The following NLK variants were observed in gnomAD, a reference collection of about 807,000 sequenced individuals.
The protein encoded by NLK is nemo like kinase, also known as serine/threonine-protein kinase NLK.
NLK carries 11 observed loss-of-function variants against 59.0 expected under a neutral mutation model. That is an observed-to-expected ratio of 0.19 (90% CI 0.12 to 0.31). The LOEUF is 0.31. Among genes scored for constraint, NLK ranks in the 10% least tolerant of loss-of-function variants. The pLI is 1.00. For synonymous variants in NLK, 235 were observed against 235.9 expected (o/e 1.00, Z 0.03); for missense variants, 410 against 661.1 (o/e 0.62, Z 4.16).
intron 1 of NLK, among the ~76,000 whole-genome samples, chr17:28,083,965 T>A (rs1414186842): frequency 6.6e-6 from 1 of 152,176 alleles, no homozygotes; most frequent in Non-Finnish European, 1.5e-5. Flanking sequence ...TGAGAACTGC[T>A]TGTGCCTACC....
At chr17:28,048,065 T>A (rs974304479) in intron 1 of NLK, 1 of 397,614 alleles carries the variant, frequency 2.5e-6, no homozygotes, top group Non-Finnish European at 4.4e-6. Context: ...CTTCTAGACA[T>A]AACAAAGCAT....
intron 1 of NLK, among the ~76,000 whole-genome samples, chr17:28,090,747 A>G (rs1229584540): frequency 6.6e-6 from 1 of 152,100 alleles, no homozygotes; most frequent in Non-Finnish European, 1.5e-5. Context: ...TGGGTATGCA[A>G]TTTTAGGGTG....
Position 28,122,719 on chromosome 17 carries a change from T to C in NLK, c.575T>C (p.Phe192Ser). ...VFRELKMLCF[F>S]KHDNVLSALD... ...CGGGAATTGAAGATGTTGTGTTTTT[T>C]TAAGCATGATAATGTAAGTGAAATT... The change falls in exon 2 of 11, where the codon TTT (phenylalanine) becomes TCT (serine). Residue 192 changes from phenylalanine (F) to serine (S), a missense_variant. Phe to Ser is a radical substitution (Grantham distance 155). This residue lies in a region of NLK where 73 missense variants were observed against 197.2 expected (regional missense o/e 0.37). Transcript: ENST00000407008. 1 of 1,613,854 alleles carries C rather than the reference T, an allele frequency of 6.2e-7. No individual in the cohort carries two copies. The highest frequency in any genetic ancestry group is 1.1e-5 in the South Asian group (1 of 91,068).
chr17:28,067,663 A>G (rs1459805343), intron 1 of NLK, among the ~76,000 whole-genome samples: 1 of 152,094 alleles, frequency 6.6e-6, no homozygotes, highest in Non-Finnish European at 1.5e-5. Flanking sequence ...GAGATAGTTC[A>G]TAAGATCTGG....
At chr17:28,095,600 A>G (rs370486074) in intron 1 of NLK, among the ~76,000 whole-genome samples, 9 of 152,302 alleles carry the variant, frequency 5.9e-5, no homozygotes, top group African/African-American at 1.2e-4. Flanking sequence ...CAAGGTGCCA[A>G]TATTATTACT....
chr17:28,086,311 TC>T lies in NLK; in HGVS notation c.459-36290del, dbSNP rs1405351074. 3.3e-5 allele frequency among the ~76,000 whole-genome samples: 5 copies of T among 152,294 alleles called. No individual in the cohort carries two copies. The South Asian group carries it at 1.0e-3, about 32-fold the overall frequency. On this transcript the variant is annotated intron_variant, in intron 1 of 10. Transcript: ENST00000407008. The stretch of plus-strand genomic sequence containing the variant: ...TCCTTGCTGGAAATCACATAACAAT[TC>T]CTTTTATGTTCCATGGGCTAGAATT...
intron 1 of NLK, among the ~76,000 whole-genome samples, chr17:28,092,373 G>T (rs979885058): frequency 6.6e-6 from 1 of 152,182 alleles, no homozygotes; most frequent in Non-Finnish European, 1.5e-5. Flanking sequence ...AAAACTTGTG[G>T]ATGTACACAT....
At chr17:28,091,974 CATCTTTTA>C (rs1904511083) in intron 1 of NLK, among the ~76,000 whole-genome samples, 1 of 151,996 alleles carries the variant, frequency 6.6e-6, no homozygotes, top group African/African-American at 2.4e-5. Context: ...TTTATTTTAA[CATCTTTTA>C]ATATGTTGCC....
intron 1 of NLK, among the ~76,000 whole-genome samples, chr17:28,063,090 T>C (rs1449303521): frequency 6.6e-6 from 1 of 151,950 alleles, no homozygotes; most frequent in Non-Finnish European, 1.5e-5. Context: ...CACCACCATG[T>C]CTGGCTAATT....
intron 1 of NLK, among the ~76,000 whole-genome samples, chr17:28,107,494 A>C (rs2142798159): frequency 6.6e-6 from 1 of 152,182 alleles, no homozygotes; most frequent in South Asian, 2.1e-4. Context: ...GGTTACCCAG[A>C]GGTTACCCAG....
Position 28,121,495 on chromosome 17 carries a change from CTTTTTTTTTT to C in NLK, c.459-1092_459-1083del, listed in dbSNP as rs58647578. On this transcript the variant is annotated intron_variant, in intron 1 of 10. Transcript: ENST00000407008. Reference sequence around the variant, plus strand: ...TTGGTATTTCTTTTTTCTTTCTTTTCTTTTTTTTTTTTTTTTTTTTTTTTTGAGACAGAGT... The same window carrying C: ...TTGGTATTTCTTTTTTCTTTCTTTTCTTTTTTTTTTTTTTTGAGACAGAGT... 1.1e-4 allele frequency among the ~76,000 whole-genome samples: 8 copies of C among 72,290 alleles called. No individual in the cohort carries two copies. In the East Asian group the frequency reaches 1.5e-3, roughly 13 times the overall value. 47.4% of individuals were successfully genotyped at this position (72,290 alleles called of 152,430 possible).
chr17:28,108,439 G>A (rs1030856555), intron 1 of NLK, among the ~76,000 whole-genome samples: 11 of 151,930 alleles, frequency 7.2e-5, no homozygotes, highest in African/African-American at 2.7e-4. Context: ...TATGCAAGGA[G>A]GAAATTAAAC....
intron 1 of NLK, among the ~76,000 whole-genome samples, chr17:28,121,950 G>A (rs967791010): frequency 2.0e-5 from 3 of 152,208 alleles, no homozygotes. Context: ...AAGGGAGTGG[G>A]GGGACACAGT....
At position 28,071,667 on chromosome 17, in the gene NLK, CTTACAT is replaced by C. The variant is rs1400549734; in HGVS notation, c.458+28338_458+28343del. ...TAGGCACTCCTGTCCTGCCTTCAACCTTACATTCACTTAAGGCACCATGTTACTTGA... is the reference window on the plus strand; with the variant it reads ...TAGGCACTCCTGTCCTGCCTTCAACCTCACTTAAGGCACCATGTTACTTGA... On this transcript the variant is annotated intron_variant, in intron 1 of 10. Transcript: ENST00000407008. Among the ~76,000 whole-genome samples the C allele has an allele frequency of 2.6e-5, 4 of 152,158 alleles. No homozygotes were observed. The East Asian group carries it at 7.7e-4, about 29-fold the overall frequency.
intron 3 of NLK, among the ~76,000 whole-genome samples, chr17:28,152,602 C>T (rs1026788301): frequency 2.0e-5 from 3 of 152,100 alleles, no homozygotes; most frequent in Non-Finnish European, 4.4e-5. Context: ...ATCTGGCTGA[C>T]ATCCCATACA....
intron 1 of NLK, among the ~76,000 whole-genome samples, chr17:28,120,238 GT>G (rs1905971626): frequency 0.011 from 185 of 16,730 alleles, 1 homozygote; most frequent in East Asian, 0.099. Flanking sequence ...GGCTTGGGGT[GT>G]GTGTGTGTGT....
At chr17:28,188,980 G>GACACACACACAC (rs57423093) in intron 8 of NLK, among the ~76,000 whole-genome samples, 1 of 142,536 alleles carries the variant, frequency 7.0e-6, no homozygotes, top group South Asian at 2.3e-4. Flanking sequence ...GACAAACACA[G>GACACACACACAC]ACACACACAC....
At chr17:28,073,872 T>TA (rs1385799059) in intron 1 of NLK, among the ~76,000 whole-genome samples, 1 of 152,232 alleles carries the variant, frequency 6.6e-6, no homozygotes, top group Non-Finnish European at 1.5e-5. Context: ...GACACAAAGA[T>TA]AGAGACTGAA....
At chr17:28,115,421 A>T (rs1438498515) in intron 1 of NLK, among the ~76,000 whole-genome samples, 1 of 152,222 alleles carries the variant, frequency 6.6e-6, no homozygotes, top group Admixed American at 6.5e-5. Context: ...TCCTGTCTCC[A>T]CTGCTCTGCA....
Sources: gnomAD v4.1 joint callset for allele counts (sites outside exome capture counted in the v4.1 genomes callset) on GRCh38, gnomAD v4.1.1 for gene constraint, gnomAD v4.1.1 regional missense constraint, MANE v1.5 for transcripts, NCBI Gene and HGNC (gene_info 2026-07-23, HGNC 2026-07-21) for gene names.